Variants in NEK11 observed in about 807,000 individuals in gnomAD.
The protein encoded by NEK11 is NIMA related kinase 11.
Under a neutral mutation model 80.7 loss-of-function variants are expected in NEK11, and 72 were observed. The observed-to-expected ratio is 0.89, with a 90% CI of 0.74 to 1.08. The LOEUF is 1.08. Ranked by LOEUF, NEK11 falls within the 50% of genes least tolerant of loss-of-function variation. NEK11 has a pLI of 0.00. For synonymous variants in NEK11, 251 were observed against 260.7 expected (o/e 0.96, Z 0.36); for missense variants, 764 against 763.6 (o/e 1.00, Z -0.01).
At chr3:131,152,173 C>G (rs774115362) in intron 7 of NEK11, among the ~76,000 whole-genome samples, 3 of 151,424 alleles carry the variant, frequency 2.0e-5, no homozygotes, top group African/African-American at 4.9e-5. Flanking sequence ...TTCAGACTTA[C>G]TTTTGTGCTT....
chr3:131,253,642 A>G (rs1467118927), intron 16 of NEK11, among the ~76,000 whole-genome samples: 1 of 152,182 alleles, frequency 6.6e-6, no homozygotes, highest in Non-Finnish European at 1.5e-5. Flanking sequence ...ATGATTTCCC[A>G]GTATAGTCAG....
chr3:131,128,814 A>T (rs981765005), intron 5 of NEK11, among the ~76,000 whole-genome samples: 5 of 152,150 alleles, frequency 3.3e-5, no homozygotes, highest in Admixed American at 2.6e-4. Flanking sequence ...CCTTGTGAGC[A>T]TTTGGTGTTG....
At chr3:131,125,923 A>G (rs2083259765) in intron 5 of NEK11, among the ~76,000 whole-genome samples, 1 of 152,224 alleles carries the variant, frequency 6.6e-6, no homozygotes, top group Admixed American at 6.5e-5. Context: ...CAGGCCACAT[A>G]TAGAACTGTA....
At chr3:131,168,593 T>A (rs1308071189) in intron 12 of NEK11, among the ~76,000 whole-genome samples, 1 of 151,980 alleles carries the variant, frequency 6.6e-6, no homozygotes, top group Non-Finnish European at 1.5e-5. Context: ...CCTGACCTCG[T>A]GATCCGCCCG....
At position 131,255,032 on chromosome 3, in the gene NEK11, AAGAG is replaced by A. The variant is rs754846820; in HGVS notation, c.1621+11554_1621+11557del. On this transcript the variant is annotated intron_variant, in intron 16 of 17. Coordinates refer to ENST00000383366, the MANE Select transcript of NEK11 (RefSeq NM_024800.5). ...CAAGACTCCATCTAAGAAAGAAAGA[AAGAG>A]AGAGAGAGAGAGAGAGACAGACAGA... 1.0e-3 allele frequency among the ~76,000 whole-genome samples: 131 copies of A among 130,260 alleles called. 2 individuals are homozygous for A. The highest frequency in any genetic ancestry group is 3.3e-3 in the African/African-American group (107 of 32,438). The allele number at this position is 130,260 out of a possible 152,430, so 85.5% of individuals were successfully genotyped here. A position where few individuals can be genotyped will look rare whatever the true frequency, so the allele number is the denominator to read the frequency against.
At chr3:131,315,993 A>C (rs1233999744) in intron 17 of NEK11, among the ~76,000 whole-genome samples, 2 of 152,130 alleles carry the variant, frequency 1.3e-5, no homozygotes, top group Non-Finnish European at 2.9e-5. Context: ...TATCAGTACA[A>C]AGGCATAAAT....
intron 5 of NEK11, among the ~76,000 whole-genome samples, chr3:131,131,001 C>G (rs139303719): frequency 0.013 from 2,013 of 152,242 alleles, 39 homozygotes; most frequent in African/African-American, 0.045. Context: ...GGAGTTTCAC[C>G]GTGTTGGCCA....
At chr3:131,163,473 G>C (rs1417885659) in intron 11 of NEK11, among the ~76,000 whole-genome samples, 2 of 152,020 alleles carry the variant, frequency 1.3e-5, no homozygotes, top group Non-Finnish European at 2.9e-5. Flanking sequence ...ATTATGTTAA[G>C]AGAAATAAGC....
chr3:131,246,248 C>T lies in NEK11; in HGVS notation c.1621+2752C>T, dbSNP rs569822426. On this transcript the variant is annotated intron_variant, in intron 16 of 17. Transcript: ENST00000383366. ...ACCCAGCGTGTAGCCTTTTATCCCT[C>T]ACCTCCCTCACCCTTTCCCCACAAG... 2.6e-5 allele frequency among the ~76,000 whole-genome samples: 4 copies of T among 152,246 alleles called. No homozygotes were observed. In the South Asian group the frequency reaches 8.3e-4, roughly 32 times the overall value.
At chr3:131,139,073 C>G (rs918629802) in intron 7 of NEK11, among the ~76,000 whole-genome samples, 9 of 151,890 alleles carry the variant, frequency 5.9e-5, no homozygotes, top group African/African-American at 1.9e-4. Flanking sequence ...CAGAGAAATG[C>G]AACCTTTCAG....
At chr3:131,155,429 G>A (rs1295022644) in intron 10 of NEK11, among the ~76,000 whole-genome samples, 1 of 152,160 alleles carries the variant, frequency 6.6e-6, no homozygotes, top group African/African-American at 2.4e-5. Flanking sequence ...ATGCTAATGA[G>A]CCTTCCATAA....
At chr3:131,035,570 C>T (rs1226564035) in intron 3 of NEK11, among the ~76,000 whole-genome samples, 1 of 152,156 alleles carries the variant, frequency 6.6e-6, no homozygotes, top group East Asian at 1.9e-4. Context: ...TTTTCATATT[C>T]ATACACCCAG....
At chr3:131,064,185 T>C (rs2071441955) in intron 3 of NEK11, among the ~76,000 whole-genome samples, 1 of 152,152 alleles carries the variant, frequency 6.6e-6, no homozygotes. Flanking sequence ...TGGGTAGTGA[T>C]TGCTGATGGA....
At chr3:131,139,981 A>C (rs2086521890) in intron 7 of NEK11, among the ~76,000 whole-genome samples, 2 of 152,280 alleles carry the variant, frequency 1.3e-5, no homozygotes, top group East Asian at 3.9e-4. Flanking sequence ...ATAAGGTAAA[A>C]TGTCCCATGA....
chr3:131,246,108 T>G (rs1424163618), intron 16 of NEK11, among the ~76,000 whole-genome samples: 2 of 152,106 alleles, frequency 1.3e-5, no homozygotes, highest in African/African-American at 4.8e-5. Context: ...ACAAAAAAAT[T>G]TTTTTTATTC....
chr3:131,115,962 C>CTTTCTTTCTT lies in NEK11; in HGVS notation c.455+6043_455+6052dup, dbSNP rs1553878530. Among the ~76,000 whole-genome samples, 53 of 140,992 alleles carry CTTTCTTTCTT rather than the reference C, an allele frequency of 3.8e-4. 2 individuals carry two copies. The highest frequency in any genetic ancestry group is 3.1e-3 in the East Asian group (14 of 4,490). 92.5% of individuals were successfully genotyped at this position (140,992 alleles called of 152,430 possible). A position where few individuals can be genotyped will look rare whatever the true frequency, so the allele number is the denominator to read the frequency against. On this transcript the variant is annotated intron_variant, in intron 5 of 17. Coordinates refer to ENST00000383366, the MANE Select transcript of NEK11 (RefSeq NM_024800.5). ...TCTTTCTTTCTTTCTTTCTTTCTTT[C>CTTTCTTTCTT]TTTCTTTCTTTCTTTCTTTCTTTCT... is the stretch of plus-strand genomic sequence containing the variant.
At chr3:131,174,402 T>A (rs1460571137) in intron 14 of NEK11, among the ~76,000 whole-genome samples, 1 of 152,238 alleles carries the variant, frequency 6.6e-6, no homozygotes, top group Non-Finnish European at 1.5e-5. Flanking sequence ...ATTTATTTTT[T>A]ATTTGGCATG....
At chr3:131,093,555 T>G (rs367602438) in intron 4 of NEK11, among the ~76,000 whole-genome samples, 6 of 152,274 alleles carry the variant, frequency 3.9e-5, no homozygotes, top group African/African-American at 4.8e-5. Flanking sequence ...TAGCTAGGAT[T>G]ACAGGCGTGT....
At chr3:131,296,120 C>A (rs1325434927) in intron 17 of NEK11, among the ~76,000 whole-genome samples, 1 of 152,122 alleles carries the variant, frequency 6.6e-6, no homozygotes, top group Non-Finnish European at 1.5e-5. Context: ...GGATTACAGG[C>A]ATGAGCCACC....
Sources: allele counts gnomAD v4.1 joint callset (sites outside exome capture counted in the v4.1 genomes callset), GRCh38; gene constraint gnomAD v4.1.1; transcripts MANE v1.5; gene names NCBI Gene and HGNC (gene_info 2026-07-23, HGNC 2026-07-21).